Variants in EPPK1 observed in about 807,000 individuals in gnomAD.
EPPK1 encodes epiplakin 1.
For missense variants in EPPK1, 3,823 were observed against 3,673.3 expected, an observed-to-expected ratio of 1.04 and a Z score of -1.05; for synonymous variants, 1,862 against 1,721.2, an observed-to-expected ratio of 1.08 and a Z score of -2.03.
intron 1 of EPPK1, among the ~76,000 whole-genome samples, chr8:143,877,401 G>T (rs1819502822): frequency 6.6e-6 from 1 of 152,188 alleles, no homozygotes; most frequent in South Asian, 2.1e-4. Context: ...AGAGCACGGG[G>T]TCAGGGTTAG....
rs146710659 is a variant in EPPK1, at chr8:143,869,979, C to T, written c.3275G>A (p.Arg1092His). 4.1e-4 allele frequency: 664 copies of T among 1,605,798 alleles called. 1 individual carries two copies. In the African/African-American group the frequency reaches 5.1e-3, roughly 12 times the overall value. ...CTCCAGGAGCTGGGCATAGCTCGTG[C>T]GCCCCTGGCCGTCCGGTGTGGGGAA... ...ETFPTPDGQG[R>H]TSYAQLLEEC... Residue 1092 changes from arginine to histidine, a missense_variant, in exon 2 of 2, where the codon CGC becomes CAC. Transcript: ENST00000615648.
Position 143,872,548 on chromosome 8 carries a change from G to A in EPPK1, c.706C>T (p.Arg236Cys), listed in dbSNP as rs782779488. 134 of 1,605,522 alleles carry A rather than the reference G, an allele frequency of 8.3e-5. No homozygotes were observed. The highest frequency in any genetic ancestry group is 2.2e-4 in the East Asian group (10 of 44,686). ...LALLPLKITF[R>C]SMGGAVSAAE... ...GCACTCACCGCCCCGCCCATGGAGC[G>A]GAAGGTGATCTTGAGGGGCAGCAAG... is the stretch of plus-strand genomic sequence containing the variant. Residue 236 changes from arginine to cysteine, a missense_variant, in exon 2 of 2, where the codon CGC (arginine) becomes TGC (cysteine). Coordinates refer to ENST00000615648, the MANE Select transcript of EPPK1 (RefSeq NM_031308.4).
At chr8:143,877,739 C>T (rs1261234715) in intron 1 of EPPK1, among the ~76,000 whole-genome samples, 10 of 152,094 alleles carry the variant, frequency 6.6e-5, no homozygotes, top group Non-Finnish European at 1.2e-4. Flanking sequence ...TGGGAAGACC[C>T]CACCCACCTG....
At chr8:143,874,379 G>C (rs1483320330) in intron 1 of EPPK1, among the ~76,000 whole-genome samples, 1 of 152,234 alleles carries the variant, frequency 6.6e-6, no homozygotes, top group Non-Finnish European at 1.5e-5. Flanking sequence ...TAGGATCTTT[G>C]CAGATATCAC....
Position 143,865,354 on chromosome 8 carries a change from GGGCGGCGGCGGC to G in EPPK1, c.7888_7899del (p.Ala2630_Ala2633del), listed in dbSNP as rs1209441891. The G allele has an allele frequency of 1.8e-4, 61 of 344,046 alleles. No homozygotes were observed. Among genetic ancestry groups the G allele is most frequent in the East Asian group, 1.6e-3 (30 of 18,552 alleles). 21.3% of individuals were successfully genotyped at this position (344,046 alleles called of 1,614,324 possible). On this transcript the variant is annotated inframe_deletion, in exon 2 of 2. Transcript: ENST00000615648. ...TCACGCAGGGTCTGCTCCTGGCGGCGGGCGGCGGCGGCGGCGGCGGCGGCGGCGGCCTCCTGG... is the reference window on the plus strand; with the variant it reads ...TCACGCAGGGTCTGCTCCTGGCGGCGGGCGGCGGCGGCGGCGGCCTCCTGG...
chr8:143,873,229 G>A lies in EPPK1; in HGVS notation c.25C>T (p.Leu9Phe). The change falls in exon 2 of 2, where the codon CTT (leucine) becomes TTT (phenylalanine). Residue 9 changes from leucine (L) to phenylalanine (F), a missense_variant. By Grantham distance (22) the Leu-to-Phe change is conservative (BLOSUM62 0). Coordinates refer to ENST00000615648, the MANE Select transcript of EPPK1 (RefSeq NM_031308.4). ...GTGCTGTTGGTGCCTGGGACGGGAA[G>A]AGGAGGCAAGGTGTGGCCACTCATC... is the stretch of plus-strand genomic sequence containing the variant. MSGHTLPP[L>F]PVPGTNSTEQ... 3.8e-6 allele frequency: 6 copies of A among 1,574,338 alleles called. No homozygotes were observed. The highest frequency in any genetic ancestry group is 4.3e-6 in the Non-Finnish European group (5 of 1,165,550).
At position 143,857,670 on chromosome 8, in the gene EPPK1, G is replaced by A. The variant is rs938984884; in HGVS notation, c.*317C>T. On this transcript the variant is annotated 3_prime_UTR_variant, in exon 2 of 2. Coordinates refer to ENST00000615648, the MANE Select transcript of EPPK1 (RefSeq NM_031308.4). ...GCATGATGGACTGAGAGTCTAAAGA[G>A]TGACATTCTGTAAAATGGAAGCAGT... 2.9e-6 allele frequency: 1 copy of A among 345,854 alleles called. No individual in the cohort carries two copies. Among genetic ancestry groups the A allele is most frequent in the Non-Finnish European group, 5.2e-6 (1 of 193,064 alleles). The allele number at this position is 345,854 out of a possible 1,614,324, so 21.4% of individuals were successfully genotyped here. A position where few individuals can be genotyped will look rare whatever the true frequency, so the allele number is the denominator to read the frequency against.
rs201357174 is a variant in EPPK1, at chr8:143,868,454, T to C, written c.4800A>G (p.Thr1600=). 6.2e-7 allele frequency: 1 copy of C among 1,612,534 alleles called. No individual in the cohort carries two copies. The highest frequency in any genetic ancestry group is 8.5e-7 in the Non-Finnish European group (1 of 1,179,760). ...ALRRHILRPG[T]ALVLLEAQAA... ...CCTGTGCCTCCAGCAGCACCAGGGC[T>C]GTGCCAGGCCGCAGGATGTGCCTCC... Residue 1600 remains threonine (T), a synonymous_variant, in exon 2 of 2, where the codon ACA becomes ACG. Coordinates refer to ENST00000615648, the MANE Select transcript of EPPK1 (RefSeq NM_031308.4).
chr8:143,876,351 C>T (rs782791382), intron 1 of EPPK1, among the ~76,000 whole-genome samples: 7 of 152,290 alleles, frequency 4.6e-5, no homozygotes, highest in African/African-American at 1.2e-4. Flanking sequence ...GTCTGGAGGA[C>T]GGGGAGGCAG....
chr8:143,877,723 C>T (rs1586706420), intron 1 of EPPK1, among the ~76,000 whole-genome samples: 1 of 152,270 alleles, frequency 6.6e-6, no homozygotes, highest in South Asian at 2.1e-4. Flanking sequence ...CGGCTGTGTG[C>T]CCTTGTGGGA....
Position 143,866,162 on chromosome 8 carries a change from C to G in EPPK1, c.7092G>C (p.Arg2364=). Residue 2364 remains arginine, a synonymous_variant, in exon 2 of 2, where the codon CGG becomes CGC. Transcript: ENST00000615648. The stretch of plus-strand genomic sequence containing the variant: ...TCATCTCCTCGTCGAAGTAGCCGCG[C>G]CGGTAGGCCACGTCCACGGGCACGC... ...SHRVPVDVAY[R]RGYFDEEMNR... 2.5e-6 allele frequency: 1 copy of G among 402,848 alleles called. No individual in the cohort carries two copies. Among genetic ancestry groups the G allele is most frequent in the Non-Finnish European group, 4.1e-6 (1 of 241,042 alleles). 25.0% of individuals were successfully genotyped at this position (402,848 alleles called of 1,614,324 possible).
intron 1 of EPPK1, among the ~76,000 whole-genome samples, chr8:143,878,089 G>T (rs1554662539): frequency 2.6e-5 from 4 of 152,088 alleles, no homozygotes; most frequent in African/African-American, 9.7e-5. Context: ...GGTCCTCGCT[G>T]CAGGGAAAAC....
Position 143,867,456 on chromosome 8 carries a change from G to A in EPPK1, c.5798C>T (p.Ala1933Val), listed in dbSNP as rs561179913. Residue 1933 changes from alanine to valine, a missense_variant, in exon 2 of 2, where the codon GCG (alanine) becomes GTG (valine). By Grantham distance (64) the Ala-to-Val change is moderately conservative. Transcript: ENST00000615648. ...PAAFATWLLE[A>V]QAATGFLLDP... is the part of the protein sequence containing the mutation. ...CAGGAGGAACCCGGTGGCGGCCTGC[G>A]CCTCCAGCAGCCAAGTCGCAAATGC... 4.8e-5 allele frequency: 77 copies of A among 1,612,548 alleles called. No homozygotes were observed. The highest frequency in any genetic ancestry group is 2.6e-4 in the South Asian group (24 of 91,076).
Position 143,872,414 on chromosome 8 carries a change from G to A in EPPK1, c.840C>T (p.Tyr280=), listed in dbSNP as rs1554661554. 1 of 1,601,918 alleles carries A rather than the reference G, an allele frequency of 6.2e-7. No homozygotes were observed. Among genetic ancestry groups the A allele is most frequent in the Non-Finnish European group, 8.5e-7 (1 of 1,179,398 alleles). The stretch of plus-strand genomic sequence containing the variant: ...CGGCCACGCTGCCGGTACCCTCCAG[G>A]TAGCGCCGCACCTCGGCACGTGCAC... ...DVSARAEVRR[Y]LEGTGSVAGV... Residue 280 remains tyrosine (Y), a synonymous_variant, in exon 2 of 2, where the codon TAC becomes TAT. Transcript: ENST00000615648.
In EPPK1 at chr8:143,872,230, C is replaced by T. The variant is rs1554661479; in HGVS notation, c.1024G>A (p.Ala342Thr). ...GGGCTGACCAGGCCCGCCCTGACTG[C>T]CTCGTCTACCCACAGCCGCTGGCCT... ...ITGQRLWVDE[A>T]VRAGLVSPEL... is the part of the protein sequence containing the mutation. Residue 342 changes from alanine (A) to threonine (T), a missense_variant, in exon 2 of 2, where the codon GCA becomes ACA. Coordinates refer to ENST00000615648, the MANE Select transcript of EPPK1 (RefSeq NM_031308.4). 2.5e-6 allele frequency: 4 copies of T among 1,609,540 alleles called. No individual in the cohort carries two copies. Among genetic ancestry groups the T allele is most frequent in the Admixed American group, 1.7e-5 (1 of 59,768 alleles).
Position 143,871,801 on chromosome 8 carries a change from A to C in EPPK1, c.1453T>G (p.Tyr485Asp). Residue 485 changes from tyrosine to aspartate, a missense_variant, in exon 2 of 2, where the codon TAC becomes GAC. Coordinates refer to ENST00000615648, the MANE Select transcript of EPPK1 (RefSeq NM_031308.4). ...GEPQGPPFIK[Y>D]STRQALSTAT... is the part of the protein sequence containing the mutation. ...GTGCTCAGGGCCTGCCGAGTGCTGT[A>C]CTTGATGAATGGGGGTCCCTGGGGC... 6.2e-7 allele frequency: 1 copy of C among 1,612,220 alleles called. No individual in the cohort carries two copies. Among genetic ancestry groups the C allele is most frequent in the African/African-American group, 1.3e-5 (1 of 75,040 alleles).
rs782300655 is a variant in EPPK1 at position 143,872,435 on chromosome 8, T to C, written c.819A>G (p.Ala273=). 3 of 1,600,140 alleles carry C rather than the reference T, an allele frequency of 1.9e-6. No individual in the cohort carries two copies. The highest frequency in any genetic ancestry group is 2.5e-6 in the Non-Finnish European group (3 of 1,178,950). ...EGRLAAVDVS[A]RAEVRRYLEG... ...CCAGGTAGCGCCGCACCTCGGCACGTGCACTCACGTCCACTGCGGCCAGCC... is the reference window on the plus strand; with the variant it reads ...CCAGGTAGCGCCGCACCTCGGCACGCGCACTCACGTCCACTGCGGCCAGCC... Residue 273 remains alanine (A), a synonymous_variant, in exon 2 of 2, where the codon GCA becomes GCG. Coordinates refer to ENST00000615648, the MANE Select transcript of EPPK1 (RefSeq NM_031308.4).
Position 143,870,351 on chromosome 8 carries a change from G to C in EPPK1, c.2903C>G (p.Ala968Gly), listed in dbSNP as rs782782110. ...RVALALLEAQAATGTIMDPHS... is the reference protein window; with the variant it reads ...RVALALLEAQGATGTIMDPHS... ...AGGGTCCATGATGGTTCCGGTGGCC[G>C]CCTGGGCCTCCAGCAGGGCCAGGGC... Residue 968 changes from alanine (A) to glycine (G), a missense_variant, in exon 2 of 2, where the codon GCG becomes GGG. Coordinates refer to ENST00000615648, the MANE Select transcript of EPPK1 (RefSeq NM_031308.4). This position sits in a 1 kb window ranked among gnomAD's most constrained non-coding sequence, Gnocchi z 5.2. 1 of 1,558,082 alleles carries C rather than the reference G, an allele frequency of 6.4e-7. No homozygotes were observed. Among genetic ancestry groups the C allele is most frequent in the East Asian group, 2.3e-5 (1 of 42,754 alleles).
chr8:143,869,315 C>A lies in EPPK1; in HGVS notation c.3939G>T (p.Leu1313=), dbSNP rs781938095. The A allele has an allele frequency of 1.1e-5, 18 of 1,605,698 alleles. No homozygotes were observed. Among genetic ancestry groups the A allele is most frequent in the Non-Finnish European group, 1.4e-5 (16 of 1,175,914 alleles). Residue 1313 remains leucine, a synonymous_variant, in exon 2 of 2, where the codon CTG becomes CTT. Transcript: ENST00000615648. ...AVKVGLVGRE[L]SEQLGQAERA... The stretch of plus-strand genomic sequence containing the variant: ...TCTCGGCCTGCCCGAGCTGCTCACT[C>A]AGCTCCCTGCCCACCAGGCCGACCT...
Sources: gnomAD v4.1 joint callset for allele counts (sites outside exome capture counted in the v4.1 genomes callset) on GRCh38, gnomAD v4.1.1 for gene constraint, Gnocchi (gnomAD v3.1) non-coding constraint, MANE v1.5 for transcripts, NCBI Gene and HGNC (gene_info 2026-07-23, HGNC 2026-07-21) for gene names.